The following LOC114841035 variants were observed in gnomAD, a reference collection of about 807,000 sequenced individuals.
At chr11:64,243,385 A>G in the LOC114841035 span, 1 of 1,608,912 alleles carries the variant, frequency 6.2e-7, no homozygotes, top group East Asian at 2.2e-5. Flanking sequence ...TGTGGGAGGC[A>G]AGCCCCAGGG....
the LOC114841035 span, chr11:64,242,445 G>A: frequency 1.9e-6 from 3 of 1,549,344 alleles, no homozygotes; most frequent in East Asian, 2.5e-5. Flanking sequence ...GAGCGCCGTG[G>A]CCACGGCCAC....
At chr11:64,243,376 G>A in the LOC114841035 span, 11 of 1,606,936 alleles carry the variant, frequency 6.8e-6, no homozygotes, top group Non-Finnish European at 9.4e-6. Flanking sequence ...GAGGTAAGCT[G>A]TGGGAGGCAA....
At chr11:64,242,218 G>C in the LOC114841035 span, 4 of 612,014 alleles carry the variant, frequency 6.5e-6, no homozygotes, top group African/African-American at 7.8e-5. Context: ...GGACTGGTAA[G>C]TGTGGCCCCG....
At chr11:64,242,482 A>G in the LOC114841035 span, 6 of 1,554,448 alleles carry the variant, frequency 3.9e-6, no homozygotes, top group East Asian at 1.5e-4. Context: ...AGGAAGCTGC[A>G]GATCGGGGTC....
chr11:64,243,774 T>C, the LOC114841035 span: 2 of 1,588,090 alleles, frequency 1.3e-6, no homozygotes, highest in South Asian at 1.1e-5. Context: ...GGCGGAACAC[T>C]CTCCCTTTGC....
chr11:64,243,334 T>C, the LOC114841035 span: 1 of 1,599,222 alleles, frequency 6.3e-7, no homozygotes, highest in Non-Finnish European at 8.5e-7. Context: ...GGAATGGGCT[T>C]GGGAGTGGGG....
the LOC114841035 span, chr11:64,242,079 G>T: frequency 3.3e-6 from 1 of 306,650 alleles, no homozygotes; most frequent in Non-Finnish European, 6.1e-6. Flanking sequence ...GGGAACTGAA[G>T]AGCGGAGGTG....
the LOC114841035 span, chr11:64,243,454 G>A: frequency 6.2e-7 from 1 of 1,614,086 alleles, no homozygotes; most frequent in South Asian, 1.1e-5. Context: ...CCTGCAGGAT[G>A]TGTGAGGGGG....
the LOC114841035 span, chr11:64,242,519 C>G: frequency 1.9e-6 from 3 of 1,550,764 alleles, no homozygotes; most frequent in Non-Finnish European, 2.6e-6. Context: ...ACTGTCCCAT[C>G]AAATCGCGCA....
At chr11:64,242,558 G>T in the LOC114841035 span, 1 of 1,536,604 alleles carries the variant, frequency 6.5e-7, no homozygotes, top group African/African-American at 1.4e-5. Context: ...TGCACTACAC[G>T]GTGAGTGGGT....
the LOC114841035 span, chr11:64,243,110 G>C: frequency 2.5e-6 from 3 of 1,183,226 alleles, no homozygotes; most frequent in Admixed American, 1.7e-5. Flanking sequence ...GGGTGGGCGT[G>C]GGGGGGCAGC....
At chr11:64,242,463 G>T in the LOC114841035 span, 1 of 1,548,912 alleles carries the variant, frequency 6.5e-7, no homozygotes, top group Non-Finnish European at 8.7e-7. Flanking sequence ...CACGGGGGCC[G>T]AGGGCAAAAG....
At chr11:64,243,402 G>T in the LOC114841035 span, 1 of 1,612,500 alleles carries the variant, frequency 6.2e-7, no homozygotes, top group South Asian at 1.1e-5. Flanking sequence ...AGGGATACAA[G>T]ACAAGGGCCC....
chr11:64,244,120 C>T, the LOC114841035 span: 1 of 1,424,524 alleles, frequency 7.0e-7, no homozygotes, highest in African/African-American at 1.5e-5. Flanking sequence ...CAAAAAAACA[C>T]TTAAAAGCCC....
the LOC114841035 span, chr11:64,243,691 C>T: frequency 8.1e-7 from 1 of 1,233,650 alleles, no homozygotes; most frequent in Non-Finnish European, 1.2e-6. Context: ...CCCCACTCTG[C>T]CCTTGCCAGG....
the LOC114841035 span, chr11:64,242,385 G>T: frequency 6.6e-7 from 1 of 1,524,658 alleles, no homozygotes. Context: ...TGCCCACAGA[G>T]ACATGAGGCT....
the LOC114841035 span, chr11:64,244,121 T>C: frequency 1.4e-6 from 2 of 1,424,330 alleles, no homozygotes; most frequent in Non-Finnish European, 1.9e-6. Flanking sequence ...AAAAAAACAC[T>C]TAAAAGCCCA....
the LOC114841035 span, chr11:64,242,527 G>A: frequency 4.3e-5 from 66 of 1,552,652 alleles, no homozygotes; most frequent in Non-Finnish European, 5.6e-5. Flanking sequence ...ATCAAATCGC[G>A]CAAAGGGGAT....
At chr11:64,243,528 A>C in the LOC114841035 span, 1 of 1,612,306 alleles carries the variant, frequency 6.2e-7, no homozygotes, top group South Asian at 1.1e-5. Flanking sequence ...GTGCAGAGCG[A>C]GTTTGGGGTG....
Sources: allele counts gnomAD v4.1 joint callset, GRCh38; gene constraint gnomAD v4.1.1; transcripts MANE v1.5.